The following ST6GALNAC5 variants were observed in gnomAD, a reference collection of about 807,000 sequenced individuals.
ST6GALNAC5 encodes ST6 N-acetylgalactosaminide alpha-2,6-sialyltransferase 5, also known as alpha-N-acetylgalactosaminide alpha-2,6-sialyltransferase 5.
ST6GALNAC5 carries 27 observed loss-of-function variants against 33.6 expected under a neutral mutation model. That is an observed-to-expected ratio of 0.80 (90% CI 0.59 to 1.11). The LOEUF (loss-of-function observed/expected upper bound fraction) is 1.11, where lower values mean the gene tolerates loss of function less well. Ranked by LOEUF, ST6GALNAC5 falls within the 50% of genes least tolerant of loss-of-function variation. The probability of loss-of-function intolerance (pLI) is 0.00; values close to 1 mark genes in which losing one functional copy is unlikely to be tolerated. For missense variants in ST6GALNAC5, 428 were observed against 454.0 expected (o/e 0.94, Z 0.52); for synonymous variants, 194 against 171.2 (o/e 1.13, Z -1.04).
chr1:76,871,202 CCT>C (rs1171273982), intron 2 of ST6GALNAC5: 1 of 152,002 alleles, frequency 6.6e-6, no homozygotes. Context: ...GAAATGAAAG[CCT>C]TTCTATTCTT....
chr1:76,931,503 G>A (rs1329134536), intron 2 of ST6GALNAC5, among the ~76,000 whole-genome samples: 1 of 152,032 alleles, frequency 6.6e-6, no homozygotes, highest in Non-Finnish European at 1.5e-5. Context: ...AAATTATTGG[G>A]TGATTTTTCC....
At chr1:76,945,543 A>C (rs1174587033) in intron 2 of ST6GALNAC5, among the ~76,000 whole-genome samples, 2 of 152,100 alleles carry the variant, frequency 1.3e-5, no homozygotes, top group African/African-American at 4.8e-5. Context: ...ACTAATGCAC[A>C]ATCCCATATA....
chr1:76,869,021 C>T, intron 2 of ST6GALNAC5: 1 of 378,236 alleles, frequency 2.6e-6, no homozygotes, highest in Non-Finnish European at 4.5e-6. Context: ...TCCCTGATCC[C>T]CAGAATTGCA....
In ST6GALNAC5 at chr1:76,905,563, A is replaced by G. The variant is rs560082622; in HGVS notation, c.261+36821A>G. 2.0e-3 allele frequency among the ~76,000 whole-genome samples: 299 copies of G among 152,344 alleles called. 5 individuals carry two copies. The highest frequency in any genetic ancestry group is 6.8e-3 in the African/African-American group (283 of 41,576). The stretch of plus-strand genomic sequence containing the variant: ...TTGCTCACTAATTATTAAGGAAAAT[A>G]ATTTTTAACTATCAGGACACTGTTC... On this transcript the variant is annotated intron_variant, in intron 2 of 4. Coordinates refer to ENST00000477717, the MANE Select transcript of ST6GALNAC5 (RefSeq NM_030965.3).
At chr1:77,051,736 G>A (rs1284990732) in intron 4 of ST6GALNAC5, among the ~76,000 whole-genome samples, 1 of 152,122 alleles carries the variant, frequency 6.6e-6, no homozygotes, top group Non-Finnish European at 1.5e-5. Context: ...AAAGTAAGTA[G>A]AATGGCCTAA....
At chr1:76,973,418 TA>T (rs1648845736) in intron 2 of ST6GALNAC5, among the ~76,000 whole-genome samples, 1 of 796 alleles carries the variant, frequency 1.3e-3, no homozygotes, top group Admixed American at 0.017. Context: ...CAGTCAGGTT[TA>T]TTATTATTAT....
chr1:77,027,846 G>A lies in ST6GALNAC5; in HGVS notation c.262-16358G>A, dbSNP rs536366495. 4.6e-5 allele frequency among the ~76,000 whole-genome samples: 7 copies of A among 152,276 alleles called. No homozygotes were observed. The South Asian group carries it at 1.0e-3, about 23-fold the overall frequency. ...AATACCAGATATCATTTAATGAGTGGGGGAGTTTTATTGTTTCAGTATTTT... is the reference window on the plus strand; with the variant it reads ...AATACCAGATATCATTTAATGAGTGAGGGAGTTTTATTGTTTCAGTATTTT... On this transcript the variant is annotated intron_variant, in intron 2 of 4. Transcript: ENST00000477717.
intron 2 of ST6GALNAC5, among the ~76,000 whole-genome samples, chr1:76,981,710 C>A (rs533946466): frequency 2.6e-5 from 4 of 152,300 alleles, no homozygotes; most frequent in South Asian, 2.1e-4. Flanking sequence ...CCCCTTGTAG[C>A]CTAACTGGGA....
chr1:76,966,383 T>G (rs918759381), intron 2 of ST6GALNAC5, among the ~76,000 whole-genome samples: 4 of 152,252 alleles, frequency 2.6e-5, no homozygotes, highest in Admixed American at 2.0e-4. Flanking sequence ...GGGAGTTCAC[T>G]GATGATTTGG....
rs1649675678 is a variant in ST6GALNAC5 at position 76,990,344 on chromosome 1, T to G, written c.262-53860T>G. ...TTGCTCATTGTATGGCAAGCTGATT[T>G]ATGGAACTTTTCCACTACAGAATTG... On this transcript the variant is annotated intron_variant, in intron 2 of 4. Coordinates refer to ENST00000477717, the MANE Select transcript of ST6GALNAC5 (RefSeq NM_030965.3). 2.0e-5 allele frequency among the ~76,000 whole-genome samples: 3 copies of G among 152,210 alleles called. No homozygotes were observed. The South Asian group carries it at 6.2e-4, about 32-fold the overall frequency.
At position 77,044,376 on chromosome 1, in the gene ST6GALNAC5, C is replaced by T. The variant is rs775136891; in HGVS notation, c.434C>T (p.Ala145Val). Residue 145 changes from alanine to valine, a missense_variant, in exon 3 of 5, where the codon GCG becomes GTG. Transcript: ENST00000477717. ...VGNRTSLRVIAHSSIQRILRN... is the reference protein window; with the variant it reads ...VGNRTSLRVIVHSSIQRILRN... ...AATCGCACCAGCCTGAGGGTCATCG[C>T]GCATTCCAGCATCCAGAGGATCCTC... 22 of 1,613,868 alleles carry T rather than the reference C, an allele frequency of 1.4e-5. No homozygotes were observed. The highest frequency in any genetic ancestry group is 8.3e-5 in the Admixed American group (5 of 60,024).
chr1:76,937,446 G>C (rs141608323), intron 2 of ST6GALNAC5, among the ~76,000 whole-genome samples: 1 of 152,028 alleles, frequency 6.6e-6, no homozygotes, highest in African/African-American at 2.4e-5. Flanking sequence ...TTAACTTCAT[G>C]ATGAAGTTTT....
At chr1:77,005,555 A>T (rs1483813331) in intron 2 of ST6GALNAC5, among the ~76,000 whole-genome samples, 1 of 152,252 alleles carries the variant, frequency 6.6e-6, no homozygotes, top group Non-Finnish European at 1.5e-5. Flanking sequence ...TATACATATT[A>T]TAAAATGTAT....
rs796877307 is a variant in ST6GALNAC5, at chr1:76,973,650, G to A, written c.262-70554G>A. On this transcript the variant is annotated intron_variant, in intron 2 of 4. Transcript: ENST00000477717. ...CACCCTTTATGGCTTCTGAATTTTT[G>A]TGTCATTTTTGGAAGATCCACCCCC... Among the ~76,000 whole-genome samples, 10 of 151,854 alleles carry A rather than the reference G, an allele frequency of 6.6e-5. No individual in the cohort carries two copies. The South Asian group carries it at 1.2e-3, about 19-fold the overall frequency.
chr1:76,936,573 A>G (rs1245639544), intron 2 of ST6GALNAC5, among the ~76,000 whole-genome samples: 1 of 152,030 alleles, frequency 6.6e-6, no homozygotes, highest in Non-Finnish European at 1.5e-5. Context: ...TCTTTCTTTG[A>G]GATTTTATAC....
chr1:76,922,378 G>A (rs1482302190), intron 2 of ST6GALNAC5, among the ~76,000 whole-genome samples: 1 of 152,170 alleles, frequency 6.6e-6, no homozygotes, highest in Non-Finnish European at 1.5e-5. Flanking sequence ...TAAATGGGGA[G>A]ACATACTGTA....
At chr1:76,871,254 T>TA (rs1204976954) in intron 2 of ST6GALNAC5, 4 of 152,186 alleles carry the variant, frequency 2.6e-5, no homozygotes, top group Admixed American at 2.6e-4. Context: ...AATTTTTTTT[T>TA]ACCCTCACAT....
At position 77,066,591 on chromosome 1, in the gene ST6GALNAC5, T is replaced by C. The variant is rs561600070; in HGVS notation, c.*3385T>C. ...GTACCTGCCTAAATATTTGCCCTTG[T>C]GTAAGAGCAAACTCATTTCAGAAAT... On this transcript the variant is annotated 3_prime_UTR_variant, in exon 5 of 5. Coordinates refer to ENST00000477717, the MANE Select transcript of ST6GALNAC5 (RefSeq NM_030965.3). 2.0e-5 allele frequency among the ~76,000 whole-genome samples: 3 copies of C among 152,354 alleles called. No homozygotes were observed. The highest frequency in any genetic ancestry group is 3.9e-4 in the East Asian group (2 of 5,188).
chr1:76,980,707 C>T (rs1170472865), intron 2 of ST6GALNAC5, among the ~76,000 whole-genome samples: 1 of 152,102 alleles, frequency 6.6e-6, no homozygotes, highest in Non-Finnish European at 1.5e-5. Context: ...CCACTCCATA[C>T]ACAAAAATTA....
Sources: allele counts gnomAD v4.1 joint callset (sites outside exome capture counted in the v4.1 genomes callset), GRCh38; gene constraint gnomAD v4.1.1; transcripts MANE v1.5; gene names NCBI Gene and HGNC (gene_info 2026-07-23, HGNC 2026-07-21).